Variants in MAGI2 observed in about 807,000 individuals in gnomAD.
MAGI2 encodes the protein membrane-associated guanylate kinase, WW and PDZ domain-containing protein 2.
Under a neutral mutation model 133.3 loss-of-function variants are expected in MAGI2, and 35 were observed. The observed-to-expected ratio is 0.26, with a 90% CI of 0.20 to 0.35. The LOEUF (loss-of-function observed/expected upper bound fraction) is 0.35, where lower values mean the gene tolerates loss of function less well. Among genes scored for constraint, MAGI2 ranks in the 10% least tolerant of loss-of-function variants. The pLI is 1.00. For missense variants in MAGI2, 1,636 were observed against 1,863.4 expected, an observed-to-expected ratio of 0.88 and a Z score of 2.25; for synonymous variants, 729 against 710.6, an observed-to-expected ratio of 1.03 and a Z score of -0.41.
chr7:78,644,341 A>G (rs1336007702), intron 2 of MAGI2, among the ~76,000 whole-genome samples: 1 of 152,114 alleles, frequency 6.6e-6, no homozygotes, highest in Non-Finnish European at 1.5e-5. Flanking sequence ...ACATTTATAG[A>G]ACACTTAACA....
At chr7:78,882,086 CAAAAAAAAA>C (rs771918590) in intron 2 of MAGI2, among the ~76,000 whole-genome samples, 7 of 12,468 alleles carry the variant, frequency 5.6e-4, no homozygotes, top group African/African-American at 2.0e-3. Context: ...ACAACAACAA[CAAAAAAAAA>C]AAAAAAAAAA....
intron 10 of MAGI2, among the ~76,000 whole-genome samples, chr7:78,222,016 C>T (rs1333048750): frequency 6.6e-6 from 1 of 151,890 alleles, no homozygotes; most frequent in Non-Finnish European, 1.5e-5. Context: ...CATGACTGTA[C>T]TTCAGCCTGG....
At chr7:78,988,029 A>G (rs1307167012) in intron 2 of MAGI2, among the ~76,000 whole-genome samples, 1 of 152,126 alleles carries the variant, frequency 6.6e-6, no homozygotes, top group Non-Finnish European at 1.5e-5. Flanking sequence ...GCGTCCAAAT[A>G]TTAATATAAT....
chr7:78,408,181 G>A (rs971412487), intron 6 of MAGI2, among the ~76,000 whole-genome samples: 3 of 151,832 alleles, frequency 2.0e-5, no homozygotes, highest in Non-Finnish European at 4.4e-5. Context: ...TATTTATCAT[G>A]TACAAATTGA....
chr7:79,232,006 T>C (rs1275310110), intron 1 of MAGI2, among the ~76,000 whole-genome samples: 1 of 152,056 alleles, frequency 6.6e-6, no homozygotes, highest in African/African-American at 2.4e-5. Flanking sequence ...AGCATGAAGG[T>C]TGTTGAATTT....
At chr7:78,654,434 C>G (rs1398939888) in intron 2 of MAGI2, among the ~76,000 whole-genome samples, 1 of 151,922 alleles carries the variant, frequency 6.6e-6, no homozygotes, top group Non-Finnish European at 1.5e-5. Flanking sequence ...ACAAGATGCT[C>G]TCTATAATTA....
At chr7:78,709,291 C>A (rs905047780) in intron 2 of MAGI2, among the ~76,000 whole-genome samples, 1 of 151,898 alleles carries the variant, frequency 6.6e-6, no homozygotes, top group Non-Finnish European at 1.5e-5. Context: ...CCCCCACCCC[C>A]ACTCCACACA....
intron 2 of MAGI2, among the ~76,000 whole-genome samples, chr7:78,718,582 T>G (rs547931846): frequency 1.9e-3 from 286 of 151,688 alleles, no homozygotes; most frequent in African/African-American, 6.5e-3. Flanking sequence ...ATCTAATGCC[T>G]GATGATGTGT....
At chr7:78,249,004 G>A (rs750170946) in intron 10 of MAGI2, among the ~76,000 whole-genome samples, 2 of 151,394 alleles carry the variant, frequency 1.3e-5, no homozygotes, top group Non-Finnish European at 2.9e-5. Flanking sequence ...AATATACAAG[G>A]AACTCAAACA....
chr7:78,294,461 C>A (rs1225452774), intron 9 of MAGI2, among the ~76,000 whole-genome samples: 1 of 151,776 alleles, frequency 6.6e-6, no homozygotes, highest in African/African-American at 2.4e-5. Flanking sequence ...AAGGTCTTAA[C>A]TCTGTTCTGT....
intron 2 of MAGI2, among the ~76,000 whole-genome samples, chr7:78,856,802 G>A (rs1245570198): frequency 1.3e-5 from 2 of 152,154 alleles, no homozygotes; most frequent in African/African-American, 4.8e-5. Context: ...GTCATTGGTA[G>A]CTTGATGGGG....
chr7:79,253,538 G>A (rs1833476982), intron 1 of MAGI2, among the ~76,000 whole-genome samples: 1 of 152,028 alleles, frequency 6.6e-6, no homozygotes, highest in Non-Finnish European at 1.5e-5. Flanking sequence ...AGCTACTCAG[G>A]AGGCTGAGGC....
chr7:78,826,337 A>G (rs1790642207), intron 2 of MAGI2, among the ~76,000 whole-genome samples: 1 of 144,968 alleles, frequency 6.9e-6, no homozygotes, highest in Non-Finnish European at 1.5e-5. Context: ...TAGGCGACAG[A>G]GTGAGACTCC....
chr7:78,876,735 TATAGGAC>T (rs1795453864), intron 2 of MAGI2, among the ~76,000 whole-genome samples: 1 of 152,208 alleles, frequency 6.6e-6, no homozygotes, highest in African/African-American at 2.4e-5. Context: ...TGCTGTTTGT[TATAGGAC>T]ATTCAATTCC....
At chr7:78,453,730 A>C (rs953185563) in intron 6 of MAGI2, among the ~76,000 whole-genome samples, 1 of 152,194 alleles carries the variant, frequency 6.6e-6, no homozygotes, top group African/African-American at 2.4e-5. Context: ...AATTTCTACC[A>C]AAAATCCCAG....
At chr7:79,278,942 A>G (rs1221739513) in intron 1 of MAGI2, among the ~76,000 whole-genome samples, 1 of 152,178 alleles carries the variant, frequency 6.6e-6, no homozygotes, top group East Asian at 1.9e-4. Flanking sequence ...GGAAGAGATG[A>G]CATAGTCTAC....
At chr7:79,169,478 C>A (rs986970393) in intron 1 of MAGI2, among the ~76,000 whole-genome samples, 1 of 152,136 alleles carries the variant, frequency 6.6e-6, no homozygotes, top group Admixed American at 6.6e-5. Flanking sequence ...CAGCATTTAA[C>A]ATTTGTATCA....
intron 1 of MAGI2, among the ~76,000 whole-genome samples, chr7:79,335,052 T>C (rs1188498236): frequency 6.6e-6 from 1 of 152,136 alleles, no homozygotes; most frequent in Non-Finnish European, 1.5e-5. Context: ...ATGGCTGAGC[T>C]ACGACTTGGT....
At chr7:79,377,589 A>C (rs1368563905) in intron 1 of MAGI2, among the ~76,000 whole-genome samples, 1 of 151,882 alleles carries the variant, frequency 6.6e-6, no homozygotes, top group Non-Finnish European at 1.5e-5. Flanking sequence ...CAGTTACATG[A>C]TGAAGTGAGC....
Sources: allele counts gnomAD v4.1 joint callset (sites outside exome capture counted in the v4.1 genomes callset), GRCh38; gene constraint gnomAD v4.1.1; transcripts MANE v1.5; gene names NCBI Gene and HGNC (gene_info 2026-07-23, HGNC 2026-07-21).